Variants in KCTD2 observed in about 807,000 individuals in gnomAD.
The protein encoded by KCTD2 is potassium channel tetramerization domain containing 2, also known as BTB/POZ domain-containing protein KCTD2.
KCTD2 carries 18 observed loss-of-function variants against 27.9 expected under a neutral mutation model. The ratio of observed to expected loss-of-function variants is 0.64; its 90% CI spans 0.45 to 0.96. The LOEUF is 0.96. Ranked by LOEUF, KCTD2 falls within the 40% of genes least tolerant of loss-of-function variation. The probability of loss-of-function intolerance (pLI) is 0.00; values close to 1 mark genes in which losing one functional copy is unlikely to be tolerated. For synonymous variants in KCTD2, 175 were observed against 148.4 expected (o/e 1.18, Z -1.30); for missense variants, 280 against 348.0 (o/e 0.80, Z 1.56).
upstream of KCTD2, among the ~76,000 whole-genome samples, chr17:75,045,034 T>C (rs542941123): frequency 1.3e-5 from 2 of 152,248 alleles, no homozygotes; most frequent in African/African-American, 4.8e-5. Flanking sequence ...TCACATAGGT[T>C]CTTTTCTATT....
chr17:75,053,919 T>G (rs1194269482), intron 3 of KCTD2, among the ~76,000 whole-genome samples: 2 of 134,064 alleles, frequency 1.5e-5, no homozygotes. Flanking sequence ...CAGGCTGGCC[T>G]CCCAAAGTGC....
chr17:75,053,858 CTTTTTTTTTTTTT>C (rs71159419), intron 3 of KCTD2, among the ~76,000 whole-genome samples: 2 of 59,328 alleles, frequency 3.4e-5, no homozygotes, highest in Non-Finnish European at 2.8e-5. Context: ...GTGAACCATG[CTTTTTTTTTTTTT>C]TTTTTTTTTT....
chr17:75,047,771 A>G (rs949572346), intron 1 of KCTD2, among the ~76,000 whole-genome samples, 182 bp downstream of exon 1: 3 of 150,796 alleles, frequency 2.0e-5, no homozygotes, highest in African/African-American at 4.9e-5. Flanking sequence ...CCCTTCTTCC[A>G]TGCTGAGGCA....
chr17:75,043,262 G>A (rs1039895075), upstream of KCTD2, among the ~76,000 whole-genome samples: 1 of 152,138 alleles, frequency 6.6e-6, no homozygotes, highest in African/African-American at 2.4e-5. Context: ...CAAATTCAAA[G>A]TGTGCAATGT....
At chr17:75,062,266 G>C in intron 5 of KCTD2, 21 bp downstream of exon 5, 1 of 1,604,002 alleles carries the variant, frequency 6.2e-7, no homozygotes, top group Non-Finnish European at 8.5e-7. Flanking sequence ...CCTTCCCTGG[G>C]CAGTTGCCTC....
In KCTD2 at chr17:75,032,820, G is replaced by A. The variant is rs1427723289; in HGVS notation, c.-470+96G>A. 6.6e-6 allele frequency: 1 copy of A among 152,356 alleles called. No homozygotes were observed. Among genetic ancestry groups the A allele is most frequent in the African/African-American group, 2.4e-5 (1 of 41,462 alleles). The allele number at this position is 152,356 out of a possible 1,614,324, so 9.4% of individuals were successfully genotyped here. ...GAAGGCATCCCTGCAGGTTGGCCCTGGGGCAGAGTGCTGGATCCCAGCAAC... is the reference window on the plus strand; with the variant it reads ...GAAGGCATCCCTGCAGGTTGGCCCTAGGGCAGAGTGCTGGATCCCAGCAAC... On this transcript the variant is annotated intron_variant, in intron 1 of 7. Coordinates refer to the KCTD2 transcript ENST00000581589. The surrounding 1 kb of genome is among the most constrained non-coding windows in gnomAD (Gnocchi z 4.8).
At chr17:75,039,001 A>G (rs144634308) in intron 3 of KCTD2, 8 of 1,614,022 alleles carry the variant, frequency 5.0e-6, no homozygotes, top group Non-Finnish European at 6.8e-6. Flanking sequence ...TTTCTGGGAA[A>G]GCTTCATTCA....
upstream of KCTD2, among the ~76,000 whole-genome samples, chr17:75,045,995 G>A (rs558532217): frequency 1.3e-5 from 2 of 152,298 alleles, no homozygotes; most frequent in East Asian, 1.9e-4. Context: ...CACAATCCAC[G>A]TTCTTCTGCC....
At chr17:75,052,252 T>A (rs1239512368) in intron 2 of KCTD2, among the ~76,000 whole-genome samples, 1 of 152,208 alleles carries the variant, frequency 6.6e-6, no homozygotes, top group African/African-American at 2.4e-5. Context: ...CAAAGAGATA[T>A]TTCCTAGCAG....
At chr17:75,042,302 T>G (rs2073169678), upstream of KCTD2, 2 of 1,611,094 alleles carry the variant, frequency 1.2e-6, no homozygotes, top group Non-Finnish European at 1.7e-6. Context: ...AGGCAAAAGT[T>G]AGGATTGTTC....
intron 3 of KCTD2, chr17:75,039,402 T>G (rs1057059234): frequency 9.2e-6 from 7 of 764,266 alleles, no homozygotes; most frequent in Non-Finnish European, 1.5e-5. Context: ...TTACCCTGAG[T>G]GGGGGCGCTC....
At chr17:75,042,128 C>A in intron 3 of KCTD2, 1 of 1,490,666 alleles carries the variant, frequency 6.7e-7, no homozygotes, top group South Asian at 1.2e-5. Flanking sequence ...TGTTCCTGCT[C>A]CCTACCCACA....
chr17:75,062,372 T>G (rs2073413097), intron 5 of KCTD2, 127 bp downstream of exon 5: 3 of 873,236 alleles, frequency 3.4e-6, no homozygotes, highest in Non-Finnish European at 5.0e-6. Context: ...CATTTTCCCC[T>G]CGTTTTGTTA....
At chr17:75,043,467 G>A (rs1354189681), upstream of KCTD2, among the ~76,000 whole-genome samples, 1 of 152,068 alleles carries the variant, frequency 6.6e-6, no homozygotes, top group Admixed American at 6.6e-5. Context: ...ACAAAAATTA[G>A]CCGGGCGTGA....
At chr17:75,057,747 G>A (rs901496922) in intron 3 of KCTD2, among the ~76,000 whole-genome samples, 3 of 151,734 alleles carry the variant, frequency 2.0e-5, no homozygotes, top group African/African-American at 7.3e-5. Flanking sequence ...TTTTAGTAGA[G>A]ATGGGGTTTC....
At chr17:75,038,530 C>T (rs574884688) in intron 3 of KCTD2, among the ~76,000 whole-genome samples, 1 of 152,318 alleles carries the variant, frequency 6.6e-6, no homozygotes, top group African/African-American at 2.4e-5. Flanking sequence ...GCCATTTGGA[C>T]CAGCTGTTCT....
At chr17:75,051,090 C>G (rs1326228655) in intron 2 of KCTD2, among the ~76,000 whole-genome samples, 1 of 151,376 alleles carries the variant, frequency 6.6e-6, no homozygotes, top group Non-Finnish European at 1.5e-5. Context: ...TCTCCTGCCT[C>G]AGCCTCCCGA....
In KCTD2 at chr17:75,050,371, C is replaced by T. The variant is rs537013938; in HGVS notation, c.448+1043C>T. 4.6e-5 allele frequency among the ~76,000 whole-genome samples: 7 copies of T among 152,238 alleles called. No homozygotes were observed. The South Asian group carries it at 1.5e-3, about 32-fold the overall frequency. On this transcript the variant is annotated intron_variant, in intron 2 of 5. Coordinates refer to ENST00000322444, the MANE Select transcript of KCTD2 (RefSeq NM_015353.3). The stretch of plus-strand genomic sequence containing the variant: ...CAGCCTCCTGGGTTCAAGCGATTCT[C>T]CTGCCTCAGCCTCCCAAGTAGCTGG...
At chr17:75,044,358 A>T (rs549122421), upstream of KCTD2, among the ~76,000 whole-genome samples, 3 of 115,126 alleles carry the variant, frequency 2.6e-5, 1 homozygote, top group South Asian at 8.6e-4. Context: ...GGCGCCCGCC[A>T]CCGCGCCCGG....
Sources: allele counts gnomAD v4.1 joint callset (sites outside exome capture counted in the v4.1 genomes callset), GRCh38; gene constraint gnomAD v4.1.1; non-coding constraint Gnocchi (gnomAD v3.1); transcripts MANE v1.5; gene names NCBI Gene and HGNC (gene_info 2026-07-23, HGNC 2026-07-21).